Variants in NIPSNAP1 observed in about 807,000 individuals in gnomAD.
The protein encoded by NIPSNAP1 is protein NipSnap homolog 1.
A neutral mutation model predicts 49.2 loss-of-function variants in NIPSNAP1; 25 were observed. That is an observed-to-expected ratio of 0.51 (90% CI 0.37 to 0.71). The LOEUF is 0.71. Among genes scored for constraint, NIPSNAP1 ranks in the 30% least tolerant of loss-of-function variants. The pLI is 0.00. For synonymous variants in NIPSNAP1, 143 were observed against 140.7 expected (o/e 1.02, Z -0.12); for missense variants, 294 against 361.0 (o/e 0.81, Z 1.50).
chr22:29,574,095 A>C (rs1236285273), intron 1 of NIPSNAP1, among the ~76,000 whole-genome samples: 1 of 151,240 alleles, frequency 6.6e-6, no homozygotes, highest in Non-Finnish European at 1.5e-5. Flanking sequence ...ATTTCCACTT[A>C]AAAAAAGATA....
At chr22:29,565,449 G>A (rs951231449) in intron 4 of NIPSNAP1, among the ~76,000 whole-genome samples, 1 of 152,008 alleles carries the variant, frequency 6.6e-6, no homozygotes, top group Non-Finnish European at 1.5e-5. Context: ...GGAGGCAGAG[G>A]TTGCAGTGAG....
intron 1 of NIPSNAP1, chr22:29,580,079 G>C (rs989279717): frequency 2.9e-5 from 38 of 1,303,618 alleles, no homozygotes; most frequent in Admixed American, 4.6e-5. Context: ...GGTTGGGGGA[G>C]GGGGAACAGG....
At chr22:29,573,517 C>T (rs757425533) in intron 1 of NIPSNAP1, among the ~76,000 whole-genome samples, 3 of 151,948 alleles carry the variant, frequency 2.0e-5, no homozygotes, top group Non-Finnish European at 4.4e-5. Context: ...GCCTGTAATC[C>T]CAACACTTTA....
chr22:29,571,461 T>C (rs1024823511), intron 1 of NIPSNAP1, among the ~76,000 whole-genome samples: 1 of 152,246 alleles, frequency 6.6e-6, no homozygotes, highest in African/African-American at 2.4e-5. Context: ...CCATGAGCAC[T>C]GTGGTTAAGG....
chr22:29,579,166 G>A lies in NIPSNAP1; in HGVS notation c.98+1819C>T, dbSNP rs574638960. Among the ~76,000 whole-genome samples the A allele has an allele frequency of 8.0e-5, 12 of 150,840 alleles. 1 individual carries two copies. The highest frequency in any genetic ancestry group is 2.7e-4 in the African/African-American group (11 of 40,372). ...CGGCTCACTGCAACCTCTGTCTCCC[G>A]GGTTCAATTGATTCTCCTGCCTCAG... is the stretch of plus-strand genomic sequence containing the variant. On this transcript the variant is annotated intron_variant, in intron 1 of 9. Coordinates refer to ENST00000216121, the MANE Select transcript of NIPSNAP1 (RefSeq NM_003634.4).
intron 1 of NIPSNAP1, among the ~76,000 whole-genome samples, chr22:29,574,969 A>G (rs979384795): frequency 3.3e-5 from 5 of 152,282 alleles, no homozygotes; most frequent in African/African-American, 4.8e-5. Context: ...CGAGGATAAA[A>G]TGGAAAGAAG....
chr22:29,569,164 C>T (rs754757929), intron 4 of NIPSNAP1, 29 bp downstream of exon 4: 1 of 1,596,314 alleles, frequency 6.3e-7, no homozygotes, highest in South Asian at 1.1e-5. Flanking sequence ...TGGGCAGTGG[C>T]AATGGCACTA....
intron 9 of NIPSNAP1, among the ~76,000 whole-genome samples, chr22:29,556,745 ATTC>A (rs1430746016): frequency 1.3e-5 from 2 of 152,024 alleles, no homozygotes; most frequent in Non-Finnish European, 2.9e-5. Context: ...GCGATTTGTT[ATTC>A]TTGTTTGTTT....
At chr22:29,556,484 A>G (rs1432860596) in intron 9 of NIPSNAP1, among the ~76,000 whole-genome samples, 1 of 151,902 alleles carries the variant, frequency 6.6e-6, no homozygotes, top group African/African-American at 2.4e-5. Flanking sequence ...AGATCAGGCC[A>G]TTGCACTCCA....
At chr22:29,579,679 C>T (rs2064483248) in intron 1 of NIPSNAP1, 3 of 181,716 alleles carry the variant, frequency 1.7e-5, no homozygotes, top group Admixed American at 1.1e-4. Flanking sequence ...CTGCCTGCCT[C>T]GGCCTCCCAA....
At chr22:29,578,776 A>G (rs1470064179) in intron 1 of NIPSNAP1, among the ~76,000 whole-genome samples, 1 of 151,320 alleles carries the variant, frequency 6.6e-6, no homozygotes. Flanking sequence ...ACGGAGGTTC[A>G]GCAACTCATC....
chr22:29,573,284 C>G (rs964091136), intron 1 of NIPSNAP1, among the ~76,000 whole-genome samples: 4 of 152,076 alleles, frequency 2.6e-5, no homozygotes, highest in African/African-American at 9.7e-5. Flanking sequence ...ATCCACCTGC[C>G]TCGGCCTCTC....
rs1306797823 is a variant in NIPSNAP1, at chr22:29,566,864, C to T, written c.367+2329G>A. On this transcript the variant is annotated intron_variant, in intron 4 of 9. Coordinates refer to ENST00000216121, the MANE Select transcript of NIPSNAP1 (RefSeq NM_003634.4). ...ATAGGCCAGGCGCAGTGGCTGATGC[C>T]TGTAATCCCAACACTTTGGGAGGCT... Among the ~76,000 whole-genome samples the T allele has an allele frequency of 2.6e-5, 4 of 152,082 alleles. 1 individual carries two copies. The South Asian group carries it at 6.2e-4, about 24-fold the overall frequency.
Position 29,555,046 on chromosome 22 carries a change from C to T in NIPSNAP1, c.*889G>A, listed in dbSNP as rs1273002159. The T allele has an allele frequency of 1.3e-5, 2 of 152,460 alleles. No individual in the cohort carries two copies. Among genetic ancestry groups the T allele is most frequent in the Non-Finnish European group, 2.9e-5 (2 of 68,150 alleles). The allele number at this position is 152,460 out of a possible 1,614,324, so 9.4% of individuals were successfully genotyped here. A position where few individuals can be genotyped will look rare whatever the true frequency, so the allele number is the denominator to read the frequency against. On this transcript the variant is annotated 3_prime_UTR_variant, in exon 10 of 10. Coordinates refer to ENST00000216121, the MANE Select transcript of NIPSNAP1 (RefSeq NM_003634.4). ...TACAGGGTGAGGGAACAGGGTCTAG[C>T]TTGTATATTTGCCTGCAGGAAGGAG...
intron 9 of NIPSNAP1, 112 bp downstream of exon 9, chr22:29,558,756 TAA>T: frequency 1.2e-6 from 1 of 837,890 alleles, no homozygotes; most frequent in Non-Finnish European, 2.1e-6. Context: ...CTCATTGTCT[TAA>T]AAGTGAGTTC....
chr22:29,569,995 AAAAGAAAGAGAG>A (rs1253886414), intron 3 of NIPSNAP1, 155 bp downstream of exon 3: 2 of 685,226 alleles, frequency 2.9e-6, no homozygotes, highest in South Asian at 1.7e-5. Context: ...ATCTCAAAAA[AAAAGAAAGAGAG>A]AAAGAAAGAA....
rs2064277468 is a variant in NIPSNAP1, at chr22:29,554,944, T to G, written c.*991A>C. ...GGAGACCCCCAGAGTCACTGACCCC[T>G]CCCGCCACCTCCACACACCAGGTGG... On this transcript the variant is annotated 3_prime_UTR_variant, in exon 10 of 10. Transcript: ENST00000216121. The G allele has an allele frequency of 6.6e-6, 1 of 152,482 alleles. No individual in the cohort carries two copies. The allele number at this position is 152,482 out of a possible 1,614,324, so 9.4% of individuals were successfully genotyped here.
At chr22:29,569,334 G>T in intron 3 of NIPSNAP1, 47 bp from the exon 4 acceptor site, 1 of 1,419,876 alleles carries the variant, frequency 7.0e-7, no homozygotes, top group Non-Finnish European at 9.9e-7. Flanking sequence ...AGCCACCAGG[G>T]CCTCTGAGAT....
intron 3 of NIPSNAP1, chr22:29,569,727 A>G: frequency 3.0e-6 from 1 of 333,182 alleles, no homozygotes; most frequent in Non-Finnish European, 5.8e-6. Flanking sequence ...GCAGTGGCAC[A>G]TGCCTGTAAT....
Sources: allele counts gnomAD v4.1 joint callset (sites outside exome capture counted in the v4.1 genomes callset), GRCh38; gene constraint gnomAD v4.1.1; transcripts MANE v1.5; gene names NCBI Gene and HGNC (gene_info 2026-07-23, HGNC 2026-07-21).